The following CACNA2D2 variants were observed in gnomAD, a reference collection of about 807,000 sequenced individuals.
The protein encoded by CACNA2D2 is calcium voltage-gated channel auxiliary subunit alpha2delta 2, also known as voltage-dependent calcium channel subunit alpha-2/delta-2.
Under a neutral mutation model 166.4 loss-of-function variants are expected in CACNA2D2, and 48 were observed. The observed-to-expected ratio is 0.29, with a 90% CI of 0.23 to 0.37. The LOEUF is 0.37. Among genes scored for constraint, CACNA2D2 ranks in the 10% least tolerant of loss-of-function variants. The pLI is 1.00. For missense variants in CACNA2D2, 1,122 were observed against 1,433.0 expected (o/e 0.78, Z 3.50); for synonymous variants, 561 against 573.7 (o/e 0.98, Z 0.32).
chr3:50,393,211 T>C (rs1408388895), intron 4 of CACNA2D2, among the ~76,000 whole-genome samples: 2 of 152,222 alleles, frequency 1.3e-5, no homozygotes, highest in Admixed American at 6.5e-5. Context: ...CTAGAGCAGA[T>C]GTGCCTGGCC....
chr3:50,502,940 C>G (rs1262701122), intron 1 of CACNA2D2, among the ~76,000 whole-genome samples: 2 of 152,224 alleles, frequency 1.3e-5, no homozygotes, highest in Non-Finnish European at 2.9e-5. Flanking sequence ...CGGACCGCCC[C>G]CCCCCAACTC....
intron 3 of CACNA2D2, among the ~76,000 whole-genome samples, chr3:50,418,032 G>A (rs771670269): frequency 1.3e-5 from 2 of 152,110 alleles, no homozygotes; most frequent in South Asian, 2.1e-4. Context: ...AATGGGCCCC[G>A]CGAAGGGGCC....
Position 50,367,641 on chromosome 3 carries a change from CTTG to C in CACNA2D2, c.2295_2297del (p.Asn765del). 1 of 1,611,568 alleles carries C rather than the reference CTTG, an allele frequency of 6.2e-7. No homozygotes were observed. The highest frequency in any genetic ancestry group is 8.5e-7 in the Non-Finnish European group (1 of 1,178,250). ...TTTGGGTAGTGGGATAGGTCACTTA[CTTG>C]TTGGGGAAGACTCGGGTGATGCCAC... On this transcript the variant is annotated inframe_deletion and splice_region_variant, in exon 26 of 38. Coordinates refer to ENST00000424201, the MANE Select transcript of CACNA2D2 (RefSeq NM_006030.4). This position sits in a 1 kb window ranked among gnomAD's most constrained non-coding sequence, Gnocchi z 6.5.
intron 3 of CACNA2D2, among the ~76,000 whole-genome samples, chr3:50,428,689 T>C (rs977743072): frequency 6.6e-5 from 10 of 151,872 alleles, no homozygotes; most frequent in Admixed American, 5.9e-4. Context: ...CATGGGGGTG[T>C]GGGAGGGGTG....
rs764567255 is a variant in CACNA2D2, at chr3:50,461,582, G to A, written c.288+14536C>T. Among the ~76,000 whole-genome samples, 283 of 151,714 alleles carry A rather than the reference G, an allele frequency of 1.9e-3. 1 individual carries two copies. Among genetic ancestry groups the A allele is most frequent in the Admixed American group, 1.5e-3 (23 of 15,228 alleles). On this transcript the variant is annotated intron_variant, in intron 2 of 37. Transcript: ENST00000424201. ...TTAAGACTAGCCTGGCCAACATAGCGAAACCTCATCTCTACTAAAAATACA... is the reference window on the plus strand; with the variant it reads ...TTAAGACTAGCCTGGCCAACATAGCAAAACCTCATCTCTACTAAAAATACA...
intron 3 of CACNA2D2, among the ~76,000 whole-genome samples, chr3:50,420,406 T>G (rs1294993424): frequency 6.6e-6 from 1 of 152,222 alleles, no homozygotes; most frequent in African/African-American, 2.4e-5. Context: ...GCAGTGGTGC[T>G]GTGGCTAGGG....
intron 2 of CACNA2D2, among the ~76,000 whole-genome samples, chr3:50,445,524 C>T (rs1298803790): frequency 6.6e-6 from 1 of 152,206 alleles, no homozygotes; most frequent in Non-Finnish European, 1.5e-5. Flanking sequence ...AATTTTTAGG[C>T]TCTCCTTGAA....
rs1705212747 is a variant in CACNA2D2 at position 50,379,876 on chromosome 3, C to A, written c.894-52G>T. 6.2e-7 allele frequency: 1 copy of A among 1,612,376 alleles called. No homozygotes were observed. Among genetic ancestry groups the A allele is most frequent in the Non-Finnish European group, 8.5e-7 (1 of 1,178,754 alleles). ...AGGAGCCAGGGGAACCTCACGTGTT[C>A]TCCTGCCCATCCCCCAAGATGTTCA... is the stretch of plus-strand genomic sequence containing the variant. On this transcript the variant is annotated intron_variant, in intron 9 of 37. Coordinates refer to ENST00000424201, the MANE Select transcript of CACNA2D2 (RefSeq NM_006030.4). This position sits in a 1 kb window ranked among gnomAD's most constrained non-coding sequence, Gnocchi z 6.5.
intron 3 of CACNA2D2, among the ~76,000 whole-genome samples, chr3:50,414,078 G>C (rs1046573390): frequency 6.6e-6 from 1 of 152,032 alleles, no homozygotes; most frequent in Non-Finnish European, 1.5e-5. Flanking sequence ...TGCAGTGCAG[G>C]GACAGAAATG....
chr3:50,425,970 C>T (rs568023102), intron 3 of CACNA2D2, among the ~76,000 whole-genome samples: 138 of 152,336 alleles, frequency 9.1e-4, no homozygotes, highest in African/African-American at 3.2e-3. Context: ...TCCCCAGCAA[C>T]CCCCAGTCGA....
At chr3:50,429,491 G>A (rs1036849840) in intron 3 of CACNA2D2, among the ~76,000 whole-genome samples, 7 of 149,028 alleles carry the variant, frequency 4.7e-5, no homozygotes, top group Non-Finnish European at 7.4e-5. Context: ...GGTGGCTCAC[G>A]CCAGTAATCC....
chr3:50,440,749 A>G (rs1005052868), intron 2 of CACNA2D2, among the ~76,000 whole-genome samples: 1 of 151,956 alleles, frequency 6.6e-6, no homozygotes, highest in African/African-American at 2.4e-5. Context: ...GCAGAGATGG[A>G]ACAGACCTCG....
At position 50,377,454 on chromosome 3, in the gene CACNA2D2, G is replaced by C. The variant is rs754717802; in HGVS notation, c.1626+13C>G. On this transcript the variant is annotated intron_variant, in intron 17 of 37. Coordinates refer to ENST00000424201, the MANE Select transcript of CACNA2D2 (RefSeq NM_006030.4). ...GGGAGGCAGGGTACGCGGATGGGCAGGGGGATGCTCACCGTGTAGTTGGGG... is the reference window on the plus strand; with the variant it reads ...GGGAGGCAGGGTACGCGGATGGGCACGGGGATGCTCACCGTGTAGTTGGGG... The C allele has an allele frequency of 2.5e-6, 4 of 1,608,344 alleles. No homozygotes were observed. The Admixed American group carries it at 6.7e-5, about 27-fold the overall frequency.
intron 2 of CACNA2D2, among the ~76,000 whole-genome samples, chr3:50,457,354 T>C (rs1399127854): frequency 1.3e-5 from 2 of 152,226 alleles, no homozygotes; most frequent in East Asian, 3.8e-4. Flanking sequence ...ATCAGGGAAG[T>C]TGGAACTGAG....
chr3:50,383,051 C>T (rs1474975999), intron 6 of CACNA2D2, among the ~76,000 whole-genome samples: 4 of 152,234 alleles, frequency 2.6e-5, no homozygotes, highest in Non-Finnish European at 5.9e-5. Context: ...CAGGTGATTA[C>T]AGATTTAATT....
chr3:50,433,894 C>T (rs1034940843), intron 3 of CACNA2D2, among the ~76,000 whole-genome samples: 11 of 152,330 alleles, frequency 7.2e-5, no homozygotes, highest in Non-Finnish European at 1.3e-4. Flanking sequence ...CCCCTCGACA[C>T]TCCCTCCAAG....
chr3:50,424,865 A>G (rs2106853520), intron 3 of CACNA2D2, among the ~76,000 whole-genome samples: 1 of 152,196 alleles, frequency 6.6e-6, no homozygotes, highest in African/African-American at 2.4e-5. Flanking sequence ...CTCAGGGGTT[A>G]GCTTGGGGAA....
At chr3:50,461,291 G>A (rs1009793777) in intron 2 of CACNA2D2, among the ~76,000 whole-genome samples, 3 of 152,256 alleles carry the variant, frequency 2.0e-5, no homozygotes, top group African/African-American at 7.2e-5. Context: ...AAGGAATGGA[G>A]TGCTGCCTTA....
chr3:50,493,337 C>T (rs1283606656), intron 1 of CACNA2D2, among the ~76,000 whole-genome samples: 1 of 152,236 alleles, frequency 6.6e-6, no homozygotes. Context: ...TGACTCAGTG[C>T]CAGCCAATGA....
Sources: gnomAD v4.1 joint callset for allele counts (sites outside exome capture counted in the v4.1 genomes callset) on GRCh38, gnomAD v4.1.1 for gene constraint, Gnocchi (gnomAD v3.1) non-coding constraint, MANE v1.5 for transcripts, NCBI Gene and HGNC (gene_info 2026-07-23, HGNC 2026-07-21) for gene names.